The following CPVL variants were observed in gnomAD, a reference collection of about 807,000 sequenced individuals.
CPVL encodes the protein probable serine carboxypeptidase CPVL.
Under a neutral mutation model 63.7 loss-of-function variants are expected in CPVL, and 51 were observed. The observed-to-expected ratio is 0.80, with a 90% CI of 0.64 to 1.01. The LOEUF is 1.01. Among genes scored for constraint, CPVL ranks in the 50% least tolerant of loss-of-function variants. The pLI, the probability that CPVL is intolerant of heterozygous loss-of-function variation, is 0.00. For synonymous variants in CPVL, 195 were observed against 206.0 expected (o/e 0.95, Z 0.46); for missense variants, 530 against 573.1 (o/e 0.92, Z 0.77).
At chr7:29,096,044 A>G in intron 4 of CPVL, 59 bp downstream of exon 4, 1 of 1,307,200 alleles carries the variant, frequency 7.6e-7, no homozygotes, top group South Asian at 1.2e-5. Context: ...TTAGTTTTGG[A>G]GCAGGTATGA....
chr7:29,101,904 A>G (rs946651438), intron 3 of CPVL, among the ~76,000 whole-genome samples: 1 of 152,208 alleles, frequency 6.6e-6, no homozygotes, highest in East Asian at 1.9e-4. Flanking sequence ...TTATTCACTT[A>G]ACAATATGTT....
chr7:29,060,924 G>A (rs1160828899), intron 11 of CPVL, among the ~76,000 whole-genome samples: 4 of 152,140 alleles, frequency 2.6e-5, no homozygotes, highest in Non-Finnish European at 4.4e-5. Flanking sequence ...TGAACACTGA[G>A]GTTCAACATC....
intron 11 of CPVL, among the ~76,000 whole-genome samples, chr7:29,057,728 C>A (rs543451671): frequency 5.9e-5 from 9 of 152,118 alleles, no homozygotes; most frequent in Admixed American, 4.6e-4. Flanking sequence ...GTGGATATAT[C>A]CATTTGTTCC....
At chr7:29,156,170 A>G (rs1794340112) in intron 5 of CPVL, among the ~76,000 whole-genome samples, 1 of 152,188 alleles carries the variant, frequency 6.6e-6, no homozygotes, top group Non-Finnish European at 1.5e-5. Context: ...ATTCAGGTCT[A>G]TCTTCCATTC....
At chr7:29,103,174 A>T (rs2128620210) in intron 3 of CPVL, among the ~76,000 whole-genome samples, 1 of 15,242 alleles carries the variant, frequency 6.6e-5, no homozygotes, top group East Asian at 2.6e-3. Context: ...CAGTAAGTTA[A>T]TATACTGGGG....
intron 3 of CPVL, among the ~76,000 whole-genome samples, chr7:29,109,376 T>C (rs1386646680): frequency 6.6e-6 from 1 of 152,186 alleles, no homozygotes; most frequent in Non-Finnish European, 1.5e-5. Context: ...CTGGATCTCT[T>C]ATTTTCTCTA....
intron 11 of CPVL, among the ~76,000 whole-genome samples, chr7:29,063,305 C>G (rs1277791291): frequency 6.6e-6 from 1 of 152,176 alleles, no homozygotes; most frequent in Non-Finnish European, 1.5e-5. Flanking sequence ...AGGAGAGACT[C>G]AAAACACTGT....
At chr7:29,062,217 G>C (rs1158354670) in intron 11 of CPVL, among the ~76,000 whole-genome samples, 1 of 152,164 alleles carries the variant, frequency 6.6e-6, no homozygotes, top group Admixed American at 6.5e-5. Flanking sequence ...ATCTGCTCCA[G>C]GCTGGTGGTG....
At chr7:29,096,421 T>C in intron 3 of CPVL, 2 of 578,418 alleles carry the variant, frequency 3.5e-6, no homozygotes, top group Non-Finnish European at 6.2e-6. Context: ...GTGCCTCATA[T>C]GCTGGTGTCT....
At chr7:29,125,893 AACCCAGGTCCTGCCATG>A (rs1180050230) in intron 1 of CPVL, among the ~76,000 whole-genome samples, 1 of 152,196 alleles carries the variant, frequency 6.6e-6, no homozygotes, top group Non-Finnish European at 1.5e-5. Context: ...ACTCTGTAAT[AACCCAGGTCCTGCCATG>A]ACTCATCCGA....
chr7:29,122,024 T>C (rs1053314751), intron 1 of CPVL, among the ~76,000 whole-genome samples: 19 of 152,188 alleles, frequency 1.2e-4, no homozygotes, highest in Admixed American at 9.8e-4. Context: ...ATTATAATAA[T>C]AATGGCATAA....
intron 12 of CPVL, among the ~76,000 whole-genome samples, chr7:29,003,628 C>A (rs980414380): frequency 6.6e-6 from 1 of 152,062 alleles, no homozygotes; most frequent in Non-Finnish European, 1.5e-5. Context: ...AGAAGTTTTT[C>A]AAAAGACAGT....
chr7:29,152,725 G>C (rs1439759921), intron 5 of CPVL, among the ~76,000 whole-genome samples: 1 of 152,212 alleles, frequency 6.6e-6, no homozygotes, highest in Non-Finnish European at 1.5e-5. Flanking sequence ...CTCTGAGACG[G>C]TTGGAAGAGT....
intron 1 of CPVL, among the ~76,000 whole-genome samples, chr7:29,145,401 T>C (rs1250155588): frequency 6.6e-6 from 1 of 151,950 alleles, no homozygotes; most frequent in African/African-American, 2.4e-5. Flanking sequence ...ATCCAAGTAG[T>C]GGATACCGGA....
At chr7:29,044,904 T>A (rs1485680968) in intron 11 of CPVL, among the ~76,000 whole-genome samples, 14 of 152,358 alleles carry the variant, frequency 9.2e-5, no homozygotes. Context: ...CACCATGCCA[T>A]GTTTAAGTAA....
intron 4 of CPVL, among the ~76,000 whole-genome samples, chr7:29,183,645 A>G (rs1027233186): frequency 7.9e-5 from 12 of 151,668 alleles, no homozygotes; most frequent in African/African-American, 2.2e-4. Context: ...CCAAAGTACT[A>G]GGATTACAGG....
rs1006534672 is a variant in CPVL, at chr7:29,048,315, A to G, written c.1137+15746T>C. On this transcript the variant is annotated intron_variant, in intron 11 of 12. Coordinates refer to ENST00000265394, the MANE Select transcript of CPVL (RefSeq NM_031311.5). Reference sequence around the variant, plus strand: ...CACCAACCAACTATCTGCTGCCTTCAGGAGACTCACCTAACACATAAGGAC... The same window carrying G: ...CACCAACCAACTATCTGCTGCCTTCGGGAGACTCACCTAACACATAAGGAC... Among the ~76,000 whole-genome samples the G allele has an allele frequency of 2.0e-5, 3 of 152,302 alleles. No homozygotes were observed. The East Asian group carries it at 5.8e-4, about 29-fold the overall frequency.
At chr7:29,112,890 A>G in intron 2 of CPVL, 68 bp from the exon 3 acceptor site, 1 of 1,069,300 alleles carries the variant, frequency 9.4e-7, no homozygotes, top group South Asian at 1.3e-5. Context: ...TGAGCCATCT[A>G]TCTCAGTCTG....
chr7:29,002,985 ACATT>A (rs879284196), intron 12 of CPVL, among the ~76,000 whole-genome samples: 30,258 of 151,592 alleles, frequency 0.2, 3,270 homozygotes, highest in East Asian at 0.27. Flanking sequence ...ACAAATAGTA[ACATT>A]CAGAGATACT....
Sources: gnomAD v4.1 joint callset for allele counts (sites outside exome capture counted in the v4.1 genomes callset) on GRCh38, gnomAD v4.1.1 for gene constraint, MANE v1.5 for transcripts, NCBI Gene and HGNC (gene_info 2026-07-23, HGNC 2026-07-21) for gene names.